Variants in MCM5 observed in about 807,000 individuals in gnomAD.
MCM5 encodes the protein DNA replication licensing factor MCM5.
In MCM5, 46 loss-of-function variants were observed where a neutral mutation model predicts 79.9. The observed-to-expected ratio is 0.58, with a 90% CI of 0.45 to 0.74. MCM5 has a LOEUF of 0.74. MCM5 is among the 30% of genes least tolerant of loss of function. The pLI is 0.00. For synonymous variants in MCM5, 404 were observed against 390.5 expected, an observed-to-expected ratio of 1.03 and a Z score of -0.41; for missense variants, 883 against 1,017.0, an observed-to-expected ratio of 0.87 and a Z score of 1.79.
rs1025419219 is a variant in MCM5, at chr22:35,400,751, C to G, written c.167+146C>G. 5.4e-5 allele frequency: 41 copies of G among 758,222 alleles called. No homozygotes were observed. In the Admixed American group the frequency reaches 1.2e-3, roughly 23 times the overall value. 47.0% of individuals were successfully genotyped at this position (758,222 alleles called of 1,614,324 possible). On this transcript the variant is annotated intron_variant, in intron 2 of 16. Coordinates refer to ENST00000216122, the MANE Select transcript of MCM5 (RefSeq NM_006739.4). ...TCCTGGGTCACAGGGCTCATCCCGG[C>G]AGCCTCACGCCTTGGTATAAGGCTT...
downstream of MCM5, among the ~76,000 whole-genome samples, chr22:35,427,055 A>C (rs1038590512): frequency 2.6e-5 from 4 of 152,194 alleles, no homozygotes; most frequent in African/African-American, 9.7e-5. Flanking sequence ...ATATGACTTA[A>C]TTTGCACCCA....
chr22:35,419,887 G>A lies in MCM5; in HGVS notation c.1707G>A (p.Lys569=), dbSNP rs133427. ...GCCTCTCCCCACTGTCCTGCAGGAA[G>A]TGTGGCCCCCGGCTGTCAGCAGAGG... is the stretch of plus-strand genomic sequence containing the variant. ...LKKFIAYCRV[K]CGPRLSAEAA... is the part of the protein sequence containing the mutation. The change falls in exon 14 of 17, where the codon AAG becomes AAA. Residue 569 remains lysine, a synonymous_variant. Transcript: ENST00000216122. The A allele has an allele frequency of 0.087, 140,028 of 1,610,948 alleles. 7,238 individuals are homozygous for A. The highest frequency in any genetic ancestry group is 0.21 in the African/African-American group (15,438 of 74,924).
Position 35,416,693 on chromosome 22 carries a change from CAG to C in MCM5, c.1470_1471del (p.Phe492ArgfsTer5), listed in dbSNP as rs1932553301. On this transcript the variant is annotated frameshift_variant, in exon 12 of 17. Transcript: ENST00000216122. LOFTEE classifies it high-confidence loss of function. ...TGCTCCGTCCTGGCTGCTGCCAACT[CAG>C]TGTTCGGCCGCTGGGATGAGACGAA... 1 of 1,614,150 alleles carries C rather than the reference CAG, an allele frequency of 6.2e-7. No homozygotes were observed. Among genetic ancestry groups the C allele is most frequent in the South Asian group, 1.1e-5 (1 of 91,080 alleles).
chr22:35,408,541 C>T lies in MCM5; in HGVS notation c.730C>T (p.His244Tyr), dbSNP rs531281919. The change falls in exon 6 of 17, where the codon CAC becomes TAC. Residue 244 changes from histidine to tyrosine, a missense_variant. Coordinates refer to ENST00000216122, the MANE Select transcript of MCM5 (RefSeq NM_006739.4). ...AGTCCCCCACGGGGAGATGCCCAGA[C>T]ACATGCAGCTCTACTGCGACAGGTG... is the stretch of plus-strand genomic sequence containing the variant. The part of the protein sequence containing the change: ...DAVPHGEMPR[H>Y]MQLYCDRYLC... 2 of 1,613,186 alleles carry T rather than the reference C, an allele frequency of 1.2e-6. No individual in the cohort carries two copies. The highest frequency in any genetic ancestry group is 1.1e-5 in the South Asian group (1 of 91,070).
chr22:35,432,714 T>TGC, the MCM5 span, among the ~76,000 whole-genome samples: 6 of 151,290 alleles, frequency 4.0e-5, no homozygotes, highest in Admixed American at 2.6e-4. Context: ...TGTGTGTGTG[T>TGC]GCGGGGGGGT....
chr22:35,421,127 CAA>C (rs133430), intron 14 of MCM5, among the ~76,000 whole-genome samples, 189 bp from the exon 15 acceptor site: 40,258 of 88,496 alleles, frequency 0.45, 6,369 homozygotes, highest in African/African-American at 0.53. Context: ...GACTTTGTCT[CAA>C]AAAAAAAAAA....
the MCM5 span, among the ~76,000 whole-genome samples, chr22:35,432,991 G>A: frequency 1.3e-5 from 2 of 152,172 alleles, no homozygotes; most frequent in South Asian, 4.1e-4. Context: ...CTGGAGTGCA[G>A]TAGTGCAGTC....
chr22:35,448,568 C>T, the MCM5 span, among the ~76,000 whole-genome samples: 3 of 152,208 alleles, frequency 2.0e-5, no homozygotes, highest in Middle Eastern at 3.2e-3. Flanking sequence ...CCCGAGGATG[C>T]AATGGGGAAT....
the MCM5 span, among the ~76,000 whole-genome samples, chr22:35,450,855 G>A: frequency 2.0e-5 from 3 of 152,288 alleles, no homozygotes; most frequent in East Asian, 1.9e-4. Context: ...GTCCGCTCAC[G>A]CTTTTCCATG....
At chr22:35,405,604 T>C (rs549484067) in intron 4 of MCM5, among the ~76,000 whole-genome samples, 130 of 152,040 alleles carry the variant, frequency 8.6e-4, no homozygotes, top group Non-Finnish European at 1.5e-3. Context: ...CGATCTCAAG[T>C]GATCCGTCCG....
chr22:35,414,089 G>T, intron 9 of MCM5, 103 bp downstream of exon 9: 1 of 703,486 alleles, frequency 1.4e-6, no homozygotes. Context: ...TGGCTCACCC[G>T]GAATCTCTTC....
the MCM5 span, among the ~76,000 whole-genome samples, chr22:35,453,646 T>C: frequency 2.8e-5 from 4 of 144,880 alleles, no homozygotes; most frequent in East Asian, 2.1e-4. Context: ...GGGACAGATA[T>C]ACAGAAACAG....
chr22:35,410,516 C>T (rs1932347134), intron 6 of MCM5: 5 of 512,698 alleles, frequency 9.8e-6, no homozygotes, highest in African/African-American at 1.9e-5. Flanking sequence ...TTCTGTTTGG[C>T]TGTCACTGTG....
At chr22:35,446,880 A>G in the MCM5 span, among the ~76,000 whole-genome samples, 7 of 152,274 alleles carry the variant, frequency 4.6e-5, no homozygotes, top group South Asian at 1.5e-3. Context: ...CGCAGAGACA[A>G]GTGCTCCGGT....
the MCM5 span, among the ~76,000 whole-genome samples, chr22:35,440,658 T>C: frequency 6.6e-6 from 1 of 152,158 alleles, no homozygotes; most frequent in East Asian, 1.9e-4. Flanking sequence ...CCTGGCCCAG[T>C]TGGCCAGAGT....
downstream of MCM5, among the ~76,000 whole-genome samples, chr22:35,429,458 A>G (rs1214977787): frequency 6.6e-6 from 1 of 152,126 alleles, no homozygotes; most frequent in Non-Finnish European, 1.5e-5. Flanking sequence ...CAAGATTTCA[A>G]GATTGATTGT....
the MCM5 span, among the ~76,000 whole-genome samples, chr22:35,450,412 TCTTTCCCTCCCCTGTCC>T: frequency 7.5e-3 from 1,148 of 152,250 alleles, 11 homozygotes; most frequent in Admixed American, 0.013. Context: ...CACACCTCTC[TCTTTCCCTCCCCTGTCC>T]CTTTCCCTCT....
At position 35,408,870 on chromosome 22, in the gene MCM5, GTTC is replaced by G. The variant is rs1032763972; in HGVS notation, c.752+313_752+315del. On this transcript the variant is annotated intron_variant, in intron 6 of 16. Transcript: ENST00000216122. ...ATGTGCATTGCTTTCCAAAGTCTGT[GTTC>G]TTCTTAGGATAAGAGGCCCAGGATG... is the stretch of plus-strand genomic sequence containing the variant. Among the ~76,000 whole-genome samples, 14 of 152,342 alleles carry G rather than the reference GTTC, an allele frequency of 9.2e-5. No homozygotes were observed. In the Middle Eastern group the frequency reaches 0.01, roughly 111 times the overall value.
chr22:35,420,364 C>T (rs1417405726), intron 14 of MCM5, among the ~76,000 whole-genome samples: 1 of 152,240 alleles, frequency 6.6e-6, no homozygotes, highest in Non-Finnish European at 1.5e-5. Flanking sequence ...CATTCCTTCT[C>T]TGGCCCTCAG....
Sources: allele counts gnomAD v4.1 joint callset (sites outside exome capture counted in the v4.1 genomes callset), GRCh38; gene constraint gnomAD v4.1.1; transcripts MANE v1.5; gene names NCBI Gene and HGNC (gene_info 2026-07-23, HGNC 2026-07-21).